SOX12: variants seen among roughly 807,000 people sequenced by gnomAD.
SOX12 encodes the protein SRY-box transcription factor 12.
Under a neutral mutation model 21.5 loss-of-function variants are expected in SOX12, and 8 were observed. The ratio of observed to expected loss-of-function variants is 0.37; its 90% confidence interval spans 0.22 to 0.67. The LOEUF (loss-of-function observed/expected upper bound fraction) is 0.67, where lower values mean the gene tolerates loss of function less well. Among genes scored for constraint, SOX12 ranks in the 30% least tolerant of loss-of-function variants. The pLI, the probability that SOX12 is intolerant of heterozygous loss-of-function variation, is 0.56. For missense variants in SOX12, 400 were observed against 482.6 expected (o/e 0.83, Z 1.60); for synonymous variants, 235 against 224.2 (o/e 1.05, Z -0.43).
chr20:326,552 G>A lies in SOX12; in HGVS notation c.628G>A (p.Gly210Arg). ...AERAQGPSGE[G>R]AAAAAAASPT... is the part of the protein sequence containing the mutation. ...GCGCGCCCAAGGGCCGTCGGGCGAG[G>A]GGGCGGCCGCCGCCGCCGCCGCCTC... Residue 210 changes from glycine to arginine, a missense_variant, in exon 1 of 1, where the codon GGG (glycine) becomes AGG (arginine). Transcript: ENST00000342665. The surrounding 1 kb of genome is among the most constrained non-coding windows in gnomAD (Gnocchi z 9.9). 6.6e-7 allele frequency: 1 copy of A among 1,514,994 alleles called. No homozygotes were observed. Among genetic ancestry groups the A allele is most frequent in the South Asian group, 1.2e-5 (1 of 80,696 alleles). The allele number at this position is 1,514,994 out of a possible 1,614,324, so 93.8% of individuals were successfully genotyped here. A position where few individuals can be genotyped will look rare whatever the true frequency, so the allele number is the denominator to read the frequency against.
At position 327,430 on chromosome 20, in the gene SOX12, G is replaced by GA. The variant is rs2013121642; in HGVS notation, c.*559dup. On this transcript the variant is annotated 3_prime_UTR_variant, in exon 1 of 1. Transcript: ENST00000342665. The stretch of plus-strand genomic sequence containing the variant: ...GCGCATGCTTAATGCTTCTGGGGAG[G>GA]AGGGGGCTGGTCCCAGCGGAGCCGC... 1 of 172,896 alleles carries GA rather than the reference G, an allele frequency of 5.8e-6. No homozygotes were observed. The highest frequency in any genetic ancestry group is 1.4e-5 in the Non-Finnish European group (1 of 72,050). The allele number at this position is 172,896 out of a possible 1,614,324, so 10.7% of individuals were successfully genotyped here. A position where few individuals can be genotyped will look rare whatever the true frequency, so the allele number is the denominator to read the frequency against.
At position 330,162 on chromosome 20, in the gene SOX12, GCTTCCTCTT is replaced by G. The variant is rs1414118183; in HGVS notation, c.*3303_*3311del. On this transcript the variant is annotated 3_prime_UTR_variant, in exon 1 of 1. Coordinates refer to ENST00000342665, the MANE Select transcript of SOX12 (RefSeq NM_006943.4). The stretch of plus-strand genomic sequence containing the variant: ...AATTTGACTTCCTATGCCCAGGCCT[GCTTCCTCTT>G]CTTCCTCTTCTTTTCACAGGTGCTT... 8 of 167,040 alleles carry G rather than the reference GCTTCCTCTT, an allele frequency of 4.8e-5. No homozygotes were observed. The highest frequency in any genetic ancestry group is 1.0e-4 in the Non-Finnish European group (7 of 68,202). The allele number at this position is 167,040 out of a possible 1,614,324, so 10.3% of individuals were successfully genotyped here.
chr20:326,763 C>T lies in SOX12; in HGVS notation c.839C>T (p.Ser280Leu). The change falls in exon 1 of 1, where the codon TCG (serine) becomes TTG (leucine). Residue 280 changes from serine (S) to leucine (L), a missense_variant. Ser to Leu is a moderately radical substitution (Grantham distance 145). Transcript: ENST00000342665. This position sits in a 1 kb window ranked among gnomAD's most constrained non-coding sequence, Gnocchi z 9.9. ...CGCGACCCGGACCTGCAGCCTCCCT[C>T]GGGCACGTCGCACTTCGAGTTCCCG... ...LDRDPDLQPP[S>L]GTSHFEFPDY... The T allele has an allele frequency of 6.2e-7, 1 of 1,613,292 alleles. No individual in the cohort carries two copies. The highest frequency in any genetic ancestry group is 8.5e-7 in the Non-Finnish European group (1 of 1,179,732).
Position 326,602 on chromosome 20 carries a change from G to A in SOX12, c.678G>A (p.Glu226=), listed in dbSNP as rs2013097869. The A allele has an allele frequency of 6.5e-7, 1 of 1,537,556 alleles. No homozygotes were observed. The highest frequency in any genetic ancestry group is 8.7e-7 in the Non-Finnish European group (1 of 1,143,244). The change falls in exon 1 of 1, where the codon GAG becomes GAA. Residue 226 remains glutamate, a synonymous_variant. Transcript: ENST00000342665. The surrounding 1 kb of genome is among the most constrained non-coding windows in gnomAD (Gnocchi z 9.9). The part of the protein sequence containing the change: ...AASPTPSEDE[E]PEEEEEEAAA... ...CCCCGACACCGTCGGAGGACGAGGAGCCGGAGGAAGAGGAGGAGGAGGCGG... is the reference window on the plus strand; with the variant it reads ...CCCCGACACCGTCGGAGGACGAGGAACCGGAGGAAGAGGAGGAGGAGGCGG...
chr20:325,727 G>T lies in SOX12; in HGVS notation c.-198G>T, dbSNP rs908578516. 65 of 161,880 alleles carry T rather than the reference G, an allele frequency of 4.0e-4. No homozygotes were observed. In the East Asian group the frequency reaches 0.011, roughly 27 times the overall value. 10.0% of individuals were successfully genotyped at this position (161,880 alleles called of 1,614,324 possible). A position where few individuals can be genotyped will look rare whatever the true frequency, so the allele number is the denominator to read the frequency against. ...GAGGCGGCGGGGGCGCGCCGAGCCC[G>T]CCTGAGACCGCGCTGACCTTCTCCC... is the stretch of plus-strand genomic sequence containing the variant. On this transcript the variant is annotated 5_prime_UTR_variant, in exon 1 of 1. Coordinates refer to ENST00000342665, the MANE Select transcript of SOX12 (RefSeq NM_006943.4). The surrounding 1 kb of genome is among the most constrained non-coding windows in gnomAD (Gnocchi z 5.0).
rs1001713915 is a variant in SOX12, at chr20:329,211, G to A, written c.*2339G>A. The A allele has an allele frequency of 6.0e-6, 1 of 167,068 alleles. No individual in the cohort carries two copies. Among genetic ancestry groups the A allele is most frequent in the African/African-American group, 2.4e-5 (1 of 41,422 alleles). 10.3% of individuals were successfully genotyped at this position (167,068 alleles called of 1,614,324 possible). On this transcript the variant is annotated 3_prime_UTR_variant, in exon 1 of 1. Coordinates refer to ENST00000342665, the MANE Select transcript of SOX12 (RefSeq NM_006943.4). ...TAATGAGGACTAAGAAGCAAGATTG[G>A]GCCACACTGTCTGGACTCAAAGCCC... is the stretch of plus-strand genomic sequence containing the variant.
At position 327,153 on chromosome 20, in the gene SOX12, C is replaced by T. The variant is rs1394243470; in HGVS notation, c.*281C>T. 3 of 507,160 alleles carry T rather than the reference C, an allele frequency of 5.9e-6. No homozygotes were observed. The highest frequency in any genetic ancestry group is 2.0e-5 in the African/African-American group (1 of 50,630). 31.4% of individuals were successfully genotyped at this position (507,160 alleles called of 1,614,324 possible). A position where few individuals can be genotyped will look rare whatever the true frequency, so the allele number is the denominator to read the frequency against. ...CAGCCCCCTCCGATACACCTCCCGTCCTCTCCTACAGACCTGCACCCCTCC... is the reference window on the plus strand; with the variant it reads ...CAGCCCCCTCCGATACACCTCCCGTTCTCTCCTACAGACCTGCACCCCTCC... On this transcript the variant is annotated 3_prime_UTR_variant, in exon 1 of 1. Transcript: ENST00000342665.
chr20:326,628 C>G lies in SOX12; in HGVS notation c.704C>G (p.Ala235Gly). 6.5e-7 allele frequency: 1 copy of G among 1,544,752 alleles called. No individual in the cohort carries two copies. Among genetic ancestry groups the G allele is most frequent in the Non-Finnish European group, 8.7e-7 (1 of 1,143,124 alleles). Reference protein sequence around the residue: ...EEPEEEEEEAAAAEEGEEETV... With the variant: ...EEPEEEEEEAGAAEEGEEETV... ...CCGGAGGAAGAGGAGGAGGAGGCGG[C>G]AGCGGCTGAGGAAGGTGAAGAGGAG... Residue 235 changes from alanine (A) to glycine (G), a missense_variant, in exon 1 of 1, where the codon GCA (alanine) becomes GGA (glycine). Ala to Gly is a moderately conservative substitution (Grantham distance 60). Coordinates refer to ENST00000342665, the MANE Select transcript of SOX12 (RefSeq NM_006943.4). This position sits in a 1 kb window ranked among gnomAD's most constrained non-coding sequence, Gnocchi z 9.9.
chr20:327,434 G>C lies in SOX12; in HGVS notation c.*562G>C. The C allele has an allele frequency of 5.8e-6, 1 of 171,796 alleles. No individual in the cohort carries two copies. 10.6% of individuals were successfully genotyped at this position (171,796 alleles called of 1,614,324 possible). A position where few individuals can be genotyped will look rare whatever the true frequency, so the allele number is the denominator to read the frequency against. On this transcript the variant is annotated 3_prime_UTR_variant, in exon 1 of 1. Transcript: ENST00000342665. Reference sequence around the variant, plus strand: ...ATGCTTAATGCTTCTGGGGAGGAGGGGGCTGGTCCCAGCGGAGCCGCACTC... The same window carrying C: ...ATGCTTAATGCTTCTGGGGAGGAGGCGGCTGGTCCCAGCGGAGCCGCACTC...
rs1300538537 is a variant in SOX12 at position 329,521 on chromosome 20, T to A, written c.*2649T>A. ...TCCCTGTTTGAATCTGCAGATTGTGTTAGGCCCCCAGCTGAGGGCCTGGAG... is the reference window on the plus strand; with the variant it reads ...TCCCTGTTTGAATCTGCAGATTGTGATAGGCCCCCAGCTGAGGGCCTGGAG... On this transcript the variant is annotated 3_prime_UTR_variant, in exon 1 of 1. Coordinates refer to ENST00000342665, the MANE Select transcript of SOX12 (RefSeq NM_006943.4). The A allele has an allele frequency of 6.0e-6, 1 of 167,104 alleles. No homozygotes were observed. The highest frequency in any genetic ancestry group is 1.5e-5 in the Non-Finnish European group (1 of 68,192). 10.4% of individuals were successfully genotyped at this position (167,104 alleles called of 1,614,324 possible).
rs569739469 is a variant in SOX12 at position 326,744 on chromosome 20, C to G, written c.820C>G (p.Pro274Ala). Reference sequence around the variant, plus strand: ...GGACTGCAGCGCCCTGGATCGCGACCCGGACCTGCAGCCTCCCTCGGGCAC... The same window carrying G: ...GGACTGCAGCGCCCTGGATCGCGACGCGGACCTGCAGCCTCCCTCGGGCAC... ...GLDCSALDRD[P>A]DLQPPSGTSH... Residue 274 changes from proline to alanine, a missense_variant, in exon 1 of 1, where the codon CCG becomes GCG. Around this residue, in one of 4 missense-constraint regions of SOX12, gnomAD observed 235 missense variants for 219.3 expected, o/e 1.07. Transcript: ENST00000342665. The surrounding 1 kb of genome is among the most constrained non-coding windows in gnomAD (Gnocchi z 9.9). 6.2e-7 allele frequency: 1 copy of G among 1,612,042 alleles called. No homozygotes were observed. Among genetic ancestry groups the G allele is most frequent in the South Asian group, 1.1e-5 (1 of 90,900 alleles).
rs556758522 is a variant in SOX12, at chr20:327,031, C to A, written c.*159C>A. On this transcript the variant is annotated 3_prime_UTR_variant, in exon 1 of 1. Transcript: ENST00000342665. ...CCCCCTCAGATCCAGACATGCCCCT[C>A]CCCCGCAGACACACCCCAAGGCAGC... 4 of 686,288 alleles carry A rather than the reference C, an allele frequency of 5.8e-6. No individual in the cohort carries two copies. The highest frequency in any genetic ancestry group is 3.7e-5 in the African/African-American group (2 of 53,556). The allele number at this position is 686,288 out of a possible 1,614,324, so 42.5% of individuals were successfully genotyped here. A position where few individuals can be genotyped will look rare whatever the true frequency, so the allele number is the denominator to read the frequency against.
chr20:326,497 G>C lies in SOX12; in HGVS notation c.573G>C (p.Pro191=), dbSNP rs1319621478. ...TPGRELWRMV[P]AGRAARGQAE... ...GGCGGGAGCTGTGGAGGATGGTCCC[G>C]GCGGGACGGGCCGCTCGGGGACAAG... is the stretch of plus-strand genomic sequence containing the variant. Residue 191 remains proline, a synonymous_variant, in exon 1 of 1, where the codon CCG becomes CCC. Transcript: ENST00000342665. This position sits in a 1 kb window ranked among gnomAD's most constrained non-coding sequence, Gnocchi z 9.9. 2.1e-6 allele frequency: 3 copies of C among 1,434,494 alleles called. No individual in the cohort carries two copies. The highest frequency in any genetic ancestry group is 2.7e-6 in the Non-Finnish European group (3 of 1,106,924). 88.9% of individuals were successfully genotyped at this position (1,434,494 alleles called of 1,614,324 possible).
chr20:326,532 C>T lies in SOX12; in HGVS notation c.608C>T (p.Ala203Val). 1 of 1,493,310 alleles carries T rather than the reference C, an allele frequency of 6.7e-7. No homozygotes were observed. The highest frequency in any genetic ancestry group is 1.3e-5 in the South Asian group (1 of 76,752). The allele number at this position is 1,493,310 out of a possible 1,614,324, so 92.5% of individuals were successfully genotyped here. ...GRAARGQAER[A>V]QGPSGEGAAA... is the part of the protein sequence containing the mutation. The stretch of plus-strand genomic sequence containing the variant: ...GCCGCTCGGGGACAAGCGGAGCGCG[C>T]CCAAGGGCCGTCGGGCGAGGGGGCG... The change falls in exon 1 of 1, where the codon GCC becomes GTC. Residue 203 changes from alanine (A) to valine (V), a missense_variant. Physicochemically the swap from Ala to Val is moderately conservative, Grantham distance 64. Transcript: ENST00000342665. The surrounding 1 kb of genome is among the most constrained non-coding windows in gnomAD (Gnocchi z 9.9).
rs373665699 is a variant in SOX12 at position 326,788 on chromosome 20, G to C, written c.864G>C (p.Pro288=). The change falls in exon 1 of 1, where the codon CCG becomes CCC. Residue 288 remains proline, a synonymous_variant. Coordinates refer to ENST00000342665, the MANE Select transcript of SOX12 (RefSeq NM_006943.4). This position sits in a 1 kb window ranked among gnomAD's most constrained non-coding sequence, Gnocchi z 9.9. The part of the protein sequence containing the change: ...PPSGTSHFEF[P]DYCTPEVTEM... ...CGGGCACGTCGCACTTCGAGTTCCC[G>C]GACTACTGCACCCCCGAGGTTACCG... The C allele has an allele frequency of 4.3e-6, 7 of 1,613,618 alleles. No homozygotes were observed. Among genetic ancestry groups the C allele is most frequent in the Non-Finnish European group, 5.1e-6 (6 of 1,179,880 alleles).
rs1279315121 is a variant in SOX12, at chr20:328,085, T to A, written c.*1213T>A. The A allele has an allele frequency of 6.0e-6, 1 of 167,136 alleles. No homozygotes were observed. The highest frequency in any genetic ancestry group is 1.5e-5 in the Non-Finnish European group (1 of 68,154). 10.4% of individuals were successfully genotyped at this position (167,136 alleles called of 1,614,324 possible). On this transcript the variant is annotated 3_prime_UTR_variant, in exon 1 of 1. Transcript: ENST00000342665. ...TCTGGTTTGGGAGAGACCATCGACT[T>A]GGCCAGTGAGACTGAGAATGGATTC...
Position 329,225 on chromosome 20 carries a change from G to C in SOX12, c.*2353G>C, listed in dbSNP as rs1027143802. ...AAGCAAGATTGGGCCACACTGTCTG[G>C]ACTCAAAGCCCAGCTCCACCACTGA... is the stretch of plus-strand genomic sequence containing the variant. On this transcript the variant is annotated 3_prime_UTR_variant, in exon 1 of 1. Coordinates refer to ENST00000342665, the MANE Select transcript of SOX12 (RefSeq NM_006943.4). The C allele has an allele frequency of 6.0e-6, 1 of 167,116 alleles. No individual in the cohort carries two copies. 10.4% of individuals were successfully genotyped at this position (167,116 alleles called of 1,614,324 possible).
In SOX12 at chr20:327,424, G is replaced by C. The variant is rs2013121602; in HGVS notation, c.*552G>C. 1 of 174,188 alleles carries C rather than the reference G, an allele frequency of 5.7e-6. No homozygotes were observed. The highest frequency in any genetic ancestry group is 1.6e-4 in the South Asian group (1 of 6,176). 10.8% of individuals were successfully genotyped at this position (174,188 alleles called of 1,614,324 possible). A position where few individuals can be genotyped will look rare whatever the true frequency, so the allele number is the denominator to read the frequency against. On this transcript the variant is annotated 3_prime_UTR_variant, in exon 1 of 1. Coordinates refer to ENST00000342665, the MANE Select transcript of SOX12 (RefSeq NM_006943.4). ...CTTCGTGCGCATGCTTAATGCTTCTGGGGAGGAGGGGGCTGGTCCCAGCGG... is the reference window on the plus strand; with the variant it reads ...CTTCGTGCGCATGCTTAATGCTTCTCGGGAGGAGGGGGCTGGTCCCAGCGG...
rs1015804451 is a variant in SOX12 at position 327,278 on chromosome 20, G to A, written c.*406G>A. On this transcript the variant is annotated 3_prime_UTR_variant, in exon 1 of 1. Coordinates refer to ENST00000342665, the MANE Select transcript of SOX12 (RefSeq NM_006943.4). ...CCCGGCCCGCCTTCTCTGGGTTAGG[G>A]GGGCGATGCGGCCGGGTGGCAACGC... is the stretch of plus-strand genomic sequence containing the variant. 7 of 215,974 alleles carry A rather than the reference G, an allele frequency of 3.2e-5. No homozygotes were observed. The highest frequency in any genetic ancestry group is 7.2e-5 in the African/African-American group (3 of 41,884). 13.4% of individuals were successfully genotyped at this position (215,974 alleles called of 1,614,324 possible). A position where few individuals can be genotyped will look rare whatever the true frequency, so the allele number is the denominator to read the frequency against.
Sources: gnomAD v4.1 joint callset for allele counts on GRCh38, gnomAD v4.1.1 for gene constraint, gnomAD v4.1.1 regional missense constraint, Gnocchi (gnomAD v3.1) non-coding constraint, MANE v1.5 for transcripts, NCBI Gene and HGNC (gene_info 2026-07-23, HGNC 2026-07-21) for gene names.